PRSS55: variants seen among roughly 807,000 people sequenced by gnomAD.
PRSS55 encodes the protein probable serine protease UNQ9391/PRO34284.
PRSS55 carries 41 observed loss-of-function variants against 23.6 expected under a neutral mutation model. The observed-to-expected ratio is 1.74, with a 90% confidence interval of 1.35 to 2.26. PRSS55 has a LOEUF of 2.26. Among genes scored for constraint, PRSS55 ranks in the 30% most tolerant of loss-of-function variants. PRSS55 has a pLI of 0.00. For synonymous variants in PRSS55, 262 were observed against 175.5 expected (o/e 1.49, Z -3.90); for missense variants, 669 against 439.1 (o/e 1.52, Z -4.68).
intron 4 of PRSS55, among the ~76,000 whole-genome samples, chr8:10,552,881 T>A (rs558578392): frequency 5.9e-5 from 9 of 152,206 alleles, no homozygotes; most frequent in Non-Finnish European, 1.3e-4. Flanking sequence ...AAACTAAAAA[T>A]AGAACTACCA....
chr8:10,554,047 T>C, exon 5 of PRSS55: 1 of 1,510,220 alleles, frequency 6.6e-7, no homozygotes, highest in Non-Finnish European at 8.8e-7. Context: ...TTGCTCTTTC[T>C]TCTACATGGA....
intron 4 of PRSS55, 94 bp from the exon 5 acceptor site, chr8:10,538,382 G>T (rs1024093812): frequency 2.5e-5 from 25 of 988,648 alleles, no homozygotes; most frequent in Non-Finnish European, 3.6e-5. Flanking sequence ...CAGAGTTGGG[G>T]AGGCTGAGGA....
At chr8:10,553,617 A>G (rs1812998262) in intron 4 of PRSS55, among the ~76,000 whole-genome samples, 1 of 152,258 alleles carries the variant, frequency 6.6e-6, no homozygotes, top group South Asian at 2.1e-4. Flanking sequence ...AGAATCGCAG[A>G]GTAGAATGGT....
At chr8:10,554,083 C>A in exon 5 of PRSS55, 1 of 1,216,716 alleles carries the variant, frequency 8.2e-7, no homozygotes, top group Non-Finnish European at 1.1e-6. Flanking sequence ...GAAAACATAC[C>A]CTTGGGCATA....
chr8:10,540,623 G>C (rs141221509), downstream of PRSS55: 1 of 152,188 alleles, frequency 6.6e-6, no homozygotes, highest in South Asian at 2.1e-4. Flanking sequence ...CCTGAGGCAG[G>C]ATAACGGCTT....
chr8:10,553,896 A>C, intron 4 of PRSS55: 1 of 1,304,070 alleles, frequency 7.7e-7, no homozygotes, highest in East Asian at 2.5e-5. Flanking sequence ...TTGTACAATA[A>C]ATACATAAAA....
In PRSS55 at chr8:10,531,545, G is replaced by A; in HGVS notation, c.598G>A (p.Ala200Thr). 1.2e-6 allele frequency: 2 copies of A among 1,613,150 alleles called. No homozygotes were observed. The highest frequency in any genetic ancestry group is 1.7e-6 in the Non-Finnish European group (2 of 1,179,902). ...WVAGWGQTNA[A>T]DKNSVKTDLM... is the part of the protein sequence containing the mutation. ...GGCAGGTTGGGGCCAGACCAATGCT[G>A]GTATGTGACTGCTCAGCTTCCCCTG... Residue 200 changes from alanine (A) to threonine (T), a missense_variant and splice_region_variant, in exon 3 of 5, where the codon GCT (alanine) becomes ACT (threonine). Ala to Thr is a moderately conservative substitution (Grantham distance 58, BLOSUM62 0). Transcript: ENST00000328655.
chr8:10,546,611 A>C (rs554402811), intron 4 of PRSS55, among the ~76,000 whole-genome samples: 1 of 152,222 alleles, frequency 6.6e-6, no homozygotes, highest in African/African-American at 2.4e-5. Context: ...CCCCTCCAGG[A>C]AGCCCTCCTG....
rs1430993221 is a variant in PRSS55 at position 10,538,482 on chromosome 8, A to G, written c.748A>G (p.Ser250Gly). The G allele has an allele frequency of 1.2e-6, 2 of 1,611,436 alleles. No homozygotes were observed. Among genetic ancestry groups the G allele is most frequent in the East Asian group, 4.5e-5 (2 of 44,864 alleles). ...CTGTGTTCTCTGCCCACAGGGTGAC[A>G]GTGGGGGGCCTCTGGTCTGCACCCC... ...NESYDACKGD[S>G]GGPLVCTPEP... The change falls in exon 5 of 5, where the codon AGT becomes GGT. Residue 250 changes from serine to glycine, a missense_variant. Physicochemically the swap from Ser to Gly is moderately conservative, Grantham distance 56. Transcript: ENST00000328655.
intron 2 of PRSS55, among the ~76,000 whole-genome samples, chr8:10,530,973 G>A (rs1321036003): frequency 6.6e-6 from 1 of 152,148 alleles, no homozygotes; most frequent in Non-Finnish European, 1.5e-5. Flanking sequence ...CGTGCCAAGT[G>A]GCTTTTTGTG....
downstream of PRSS55, among the ~76,000 whole-genome samples, chr8:10,543,016 G>C (rs926962868): frequency 2.0e-5 from 3 of 152,010 alleles, no homozygotes; most frequent in Non-Finnish European, 4.4e-5. Flanking sequence ...CTTATTGCAA[G>C]TTTCTGATGT....
At chr8:10,553,897 A>G in intron 4 of PRSS55, 1 of 1,308,492 alleles carries the variant, frequency 7.6e-7, no homozygotes, top group Admixed American at 2.2e-5. Context: ...TGTACAATAA[A>G]TACATAAAAT....
At chr8:10,551,203 G>T (rs1489305534) in intron 4 of PRSS55, among the ~76,000 whole-genome samples, 1 of 152,214 alleles carries the variant, frequency 6.6e-6, no homozygotes, top group Non-Finnish European at 1.5e-5. Flanking sequence ...AAGGTTGAAA[G>T]GCACAGGAAG....
chr8:10,550,133 G>C (rs1388768329), intron 4 of PRSS55, among the ~76,000 whole-genome samples: 2 of 152,122 alleles, frequency 1.3e-5, no homozygotes, highest in East Asian at 3.9e-4. Flanking sequence ...TGGCCAGGCT[G>C]ATTGGTCTTG....
intron 4 of PRSS55, among the ~76,000 whole-genome samples, chr8:10,551,677 G>A (rs1361035952): frequency 6.6e-6 from 1 of 152,228 alleles, no homozygotes; most frequent in Non-Finnish European, 1.5e-5. Context: ...GAACAGCTGA[G>A]AACATTGGAA....
At chr8:10,536,883 AG>A (rs1204070683) in intron 4 of PRSS55, among the ~76,000 whole-genome samples, 1 of 152,194 alleles carries the variant, frequency 6.6e-6, no homozygotes, top group Non-Finnish European at 1.5e-5. Context: ...GGGTATGAAG[AG>A]GGTAAGTAAG....
Position 10,532,979 on chromosome 8 carries a change from G to A in PRSS55, c.672G>A (p.Lys224=). The change falls in exon 4 of 5, where the codon AAG becomes AAA. Residue 224 remains lysine (K), a synonymous_variant. Transcript: ENST00000328655. ...TCATGGACTGGGAGGAGTGTTCAAA[G>A]ATGTTTCCAAAACTTACCAAAAATA... is the stretch of plus-strand genomic sequence containing the variant. ...MVIMDWEECS[K]MFPKLTKNML... is the part of the protein sequence containing the mutation. 5 of 1,614,216 alleles carry A rather than the reference G, an allele frequency of 3.1e-6. No homozygotes were observed. Among genetic ancestry groups the A allele is most frequent in the Admixed American group, 1.7e-5 (1 of 60,036 alleles).
At chr8:10,532,480 T>C (rs1485727739) in intron 3 of PRSS55, among the ~76,000 whole-genome samples, 3 of 152,176 alleles carry the variant, frequency 2.0e-5, no homozygotes, top group Non-Finnish European at 4.4e-5. Flanking sequence ...GCTGAGGACC[T>C]AAAGTTTTTT....
chr8:10,533,017 G>C lies in PRSS55; in HGVS notation c.710G>C (p.Gly237Ala). The part of the protein sequence containing the change: ...PKLTKNMLCA[G>A]YKNESYDACK... ...CTTACCAAAAATATGCTGTGTGCCG[G>C]ATACAAGAATGAGAGCTATGATGCC... is the stretch of plus-strand genomic sequence containing the variant. Residue 237 changes from glycine to alanine, a missense_variant, in exon 4 of 5, where the codon GGA (glycine) becomes GCA (alanine). Physicochemically the swap from Gly to Ala is moderately conservative, Grantham distance 60. Transcript: ENST00000328655. 2.5e-6 allele frequency: 4 copies of C among 1,614,188 alleles called. No homozygotes were observed. The highest frequency in any genetic ancestry group is 2.2e-5 in the East Asian group (1 of 44,886).
Sources: allele counts gnomAD v4.1 joint callset (sites outside exome capture counted in the v4.1 genomes callset), GRCh38; gene constraint gnomAD v4.1.1; transcripts MANE v1.5; gene names NCBI Gene and HGNC (gene_info 2026-07-23, HGNC 2026-07-21).